Variants in GPR107 observed in about 807,000 individuals in gnomAD.
The protein encoded by GPR107 is protein GPR107.
In GPR107, 31 loss-of-function variants were observed where a neutral mutation model predicts 75.5. The observed-to-expected ratio is 0.41, with a 90% CI of 0.31 to 0.55. The LOEUF (loss-of-function observed/expected upper bound fraction) is 0.55. Among genes scored for constraint, GPR107 ranks in the 20% least tolerant of loss-of-function variants. The pLI is 0.26. For missense variants in GPR107, 572 were observed against 665.7 expected (o/e 0.86, Z 1.55); for synonymous variants, 267 against 251.3 (o/e 1.06, Z -0.59).
At chr9:130,109,806 C>A (rs971350134) in intron 14 of GPR107, among the ~76,000 whole-genome samples, 1 of 150,732 alleles carries the variant, frequency 6.6e-6, no homozygotes, top group African/African-American at 2.4e-5. Flanking sequence ...CCTGACCTCG[C>A]GATCCACCTG....
chr9:130,108,328 T>C (rs2132621209), intron 14 of GPR107, among the ~76,000 whole-genome samples: 1 of 152,382 alleles, frequency 6.6e-6, no homozygotes, highest in South Asian at 2.1e-4. Flanking sequence ...AATAAAGTTT[T>C]GTTGCTGACT....
intron 7 of GPR107, 54 bp from the exon 8 acceptor site, chr9:130,090,822 A>T: frequency 3.1e-6 from 2 of 651,254 alleles, no homozygotes; most frequent in Non-Finnish European, 5.3e-6. Context: ...AAAAGAAAAA[A>T]TATATATCGC....
intron 13 of GPR107, among the ~76,000 whole-genome samples, chr9:130,106,044 C>A (rs1831148108): frequency 6.6e-6 from 1 of 152,136 alleles, no homozygotes; most frequent in Non-Finnish European, 1.5e-5. Flanking sequence ...CATAGGATGT[C>A]CAGCATTGTT....
At chr9:130,072,300 G>A (rs1250872086) in intron 1 of GPR107, among the ~76,000 whole-genome samples, 1 of 151,380 alleles carries the variant, frequency 6.6e-6, no homozygotes, top group Non-Finnish European at 1.5e-5. Flanking sequence ...CTCACTGCAG[G>A]CTCCGCCCCC....
chr9:130,057,651 C>T (rs1179247766), intron 1 of GPR107, among the ~76,000 whole-genome samples: 1 of 151,876 alleles, frequency 6.6e-6, no homozygotes, highest in African/African-American at 2.4e-5. Flanking sequence ...CCTCATCCCA[C>T]ATACATCAAT....
intron 1 of GPR107, among the ~76,000 whole-genome samples, chr9:130,074,009 G>T (rs971744621): frequency 6.6e-6 from 1 of 151,946 alleles, no homozygotes; most frequent in African/African-American, 2.4e-5. Context: ...CTCCTGCCTC[G>T]GCCTCCCAAA....
intron 14 of GPR107, among the ~76,000 whole-genome samples, chr9:130,115,763 A>C (rs1831412959): frequency 2.2e-5 from 1 of 46,132 alleles, no homozygotes; most frequent in Non-Finnish European, 4.8e-5. Context: ...ACTCCGTCTC[A>C]AAAAAAAAAA....
At chr9:130,080,239 C>T (rs1026550566) in intron 5 of GPR107, among the ~76,000 whole-genome samples, 1 of 152,068 alleles carries the variant, frequency 6.6e-6, no homozygotes, top group Non-Finnish European at 1.5e-5. Flanking sequence ...CTTCGTATAG[C>T]GAACGTTCTT....
At chr9:130,075,110 T>G in intron 1 of GPR107, among the ~76,000 whole-genome samples, 1 of 152,158 alleles carries the variant, frequency 6.6e-6, no homozygotes, top group Non-Finnish European at 1.5e-5. Flanking sequence ...ATCTTTTGGA[T>G]TTCCGATGAG....
chr9:130,107,640 G>A, intron 14 of GPR107, 101 bp downstream of exon 14: 2 of 834,052 alleles, frequency 2.4e-6, no homozygotes, highest in Non-Finnish European at 2.1e-6. Context: ...TCAAGATGCT[G>A]TCTTCCTGGG....
intron 14 of GPR107, among the ~76,000 whole-genome samples, chr9:130,123,406 C>T (rs575882634): frequency 2.0e-5 from 3 of 152,060 alleles, no homozygotes; most frequent in Non-Finnish European, 4.4e-5. Context: ...GTTTCACCAT[C>T]TTGGCCAGGC....
intron 17 of GPR107, chr9:130,129,265 A>G (rs1253151237): frequency 1.3e-5 from 2 of 154,620 alleles, no homozygotes; most frequent in Admixed American, 6.4e-5. Context: ...CACACAGTGA[A>G]TGACTCTAGG....
At chr9:130,110,478 C>T (rs1455256461) in intron 14 of GPR107, 1 of 884,212 alleles carries the variant, frequency 1.1e-6, no homozygotes, top group Non-Finnish European at 1.9e-6. Flanking sequence ...GCTAAGGAAG[C>T]ACCCATTTCT....
chr9:130,056,924 CAAAAAA>C (rs11442007), intron 1 of GPR107, among the ~76,000 whole-genome samples: 699 of 42,844 alleles, frequency 0.016, 12 homozygotes, highest in African/African-American at 0.075. Context: ...GACTCCTTCT[CAAAAAA>C]AAAAAAAAAA....
At chr9:130,100,847 T>C (rs532953811) in intron 11 of GPR107, 145 bp downstream of exon 11, 96 of 676,002 alleles carry the variant, frequency 1.4e-4, no homozygotes, top group Non-Finnish European at 2.5e-4. Context: ...GTGTAGCTCA[T>C]GGGTGGCTGT....
At chr9:130,106,983 A>G (rs1831175027) in intron 13 of GPR107, among the ~76,000 whole-genome samples, 1 of 152,190 alleles carries the variant, frequency 6.6e-6, no homozygotes, top group Non-Finnish European at 1.5e-5. Flanking sequence ...AGGTACCAGC[A>G]CATCACAGCC....
rs1338781183 is a variant in GPR107 at position 130,107,517 on chromosome 9, A to C, written c.1284A>C (p.Glu428Asp). ...PVVWSIRHLQ[E>D]ASATDGKAAI... ...TTAGGTCAATCAGACATTTACAAGAAGCATCAGCAACAGATGGAAAAGGCA... is the reference window on the plus strand; with the variant it reads ...TTAGGTCAATCAGACATTTACAAGACGCATCAGCAACAGATGGAAAAGGCA... Residue 428 changes from glutamate (E) to aspartate (D), a missense_variant, in exon 14 of 18, where the codon GAA (glutamate) becomes GAC (aspartate). Glu to Asp is a conservative substitution (Grantham distance 45). Transcript: ENST00000347136. 3.1e-6 allele frequency: 5 copies of C among 1,601,138 alleles called. No homozygotes were observed. In the African/African-American group the frequency reaches 6.7e-5, roughly 21 times the overall value.
chr9:130,124,723 G>A (rs1831630750), intron 14 of GPR107, among the ~76,000 whole-genome samples, 192 bp from the exon 15 acceptor site: 1 of 152,222 alleles, frequency 6.6e-6, no homozygotes, highest in Admixed American at 6.5e-5. Context: ...GGGCTGTGCT[G>A]CTCCCACATT....
chr9:130,138,163 A>G lies in GPR107; in HGVS notation c.*3042A>G, dbSNP rs1832005544. On this transcript the variant is annotated 3_prime_UTR_variant, in exon 18 of 18. Transcript: ENST00000347136. ...ATTTTGTAATGTTGAATATGACTCT[A>G]GTGACTTGTAGGAGGCACTTGTGAG... 6.6e-6 allele frequency: 1 copy of G among 152,210 alleles called. No homozygotes were observed. Among genetic ancestry groups the G allele is most frequent in the African/African-American group, 2.4e-5 (1 of 41,432 alleles). The allele number at this position is 152,210 out of a possible 1,614,324, so 9.4% of individuals were successfully genotyped here.
Sources: gnomAD v4.1 joint callset for allele counts (sites outside exome capture counted in the v4.1 genomes callset) on GRCh38, gnomAD v4.1.1 for gene constraint, MANE v1.5 for transcripts, NCBI Gene and HGNC (gene_info 2026-07-23, HGNC 2026-07-21) for gene names.